Variants in KLHL28 observed in about 807,000 individuals in gnomAD.
KLHL28 encodes the protein kelch-like protein 28.
Under a neutral mutation model 48.3 loss-of-function variants are expected in KLHL28, and 22 were observed. The ratio of observed to expected loss-of-function variants is 0.46; its 90% CI spans 0.33 to 0.65. KLHL28 has a LOEUF of 0.65. KLHL28 is among the 30% of genes least tolerant of loss of function. KLHL28 has a pLI of 0.03. For missense variants in KLHL28, 527 were observed against 704.3 expected (o/e 0.75, Z 2.85); for synonymous variants, 243 against 242.4 (o/e 1.00, Z -0.02).
At chr14:44,943,734 A>C (rs898709601) in intron 2 of KLHL28, among the ~76,000 whole-genome samples, 4 of 147,866 alleles carry the variant, frequency 2.7e-5, no homozygotes, top group Admixed American at 6.7e-5. Context: ...TTTTTTTTCA[A>C]AACAGGGTCT....
Position 44,945,852 on chromosome 14 carries a change from T to C in KLHL28, c.77A>G (p.Asn26Ser). 2 of 1,614,168 alleles carry C rather than the reference T, an allele frequency of 1.2e-6. No homozygotes were observed. The highest frequency in any genetic ancestry group is 1.7e-6 in the Non-Finnish European group (2 of 1,180,020). ...GAGTTCGTGATGTTGGCGAAGAAGA[T>C]TCAAGCCCTGCAGAAGTTGTTCAGA... ...LHSEQLLQGLNLLRQHHELCD... is the reference protein window; with the variant it reads ...LHSEQLLQGLSLLRQHHELCD... Residue 26 changes from asparagine (N) to serine (S), a missense_variant, in exon 2 of 5, where the codon AAT (asparagine) becomes AGT (serine). Physicochemically the swap from Asn to Ser is conservative, Grantham distance 46 (BLOSUM62 1). Transcript: ENST00000396128.
intron 2 of KLHL28, among the ~76,000 whole-genome samples, chr14:44,936,689 T>G (rs1883836604): frequency 6.6e-6 from 1 of 152,230 alleles, no homozygotes; most frequent in Non-Finnish European, 1.5e-5. Context: ...AGTTACATTC[T>G]GCTGCTCAGA....
chr14:44,946,487 T>G (rs1489701956), intron 1 of KLHL28, among the ~76,000 whole-genome samples: 1 of 150,130 alleles, frequency 6.7e-6, no homozygotes, highest in East Asian at 2.0e-4. Context: ...ATGAACAGAA[T>G]CCAAAGTCCC....
At chr14:44,961,203 C>A in intron 1 of KLHL28, 2 of 285,912 alleles carry the variant, frequency 7.0e-6, no homozygotes, top group South Asian at 1.5e-4. Context: ...CCAAGAACTT[C>A]CACCGCAAGT....
At chr14:44,940,384 C>G (rs1382109062) in intron 2 of KLHL28, among the ~76,000 whole-genome samples, 2 of 152,128 alleles carry the variant, frequency 1.3e-5, no homozygotes, top group Non-Finnish European at 2.9e-5. Flanking sequence ...TGAATTAGAC[C>G]TGTGGTTTAT....
intron 1 of KLHL28, among the ~76,000 whole-genome samples, chr14:44,948,375 C>T (rs1884428178): frequency 6.6e-6 from 1 of 152,046 alleles, no homozygotes; most frequent in African/African-American, 2.4e-5. Flanking sequence ...TAAAACATAT[C>T]AGTGAAGAAC....
intron 1 of KLHL28, among the ~76,000 whole-genome samples, chr14:44,950,158 T>A (rs374977399): frequency 2.0e-5 from 3 of 151,994 alleles, no homozygotes; most frequent in East Asian, 3.9e-4. Flanking sequence ...ATTAAACGAG[T>A]TTATACATAA....
chr14:44,932,261 GA>G (rs1883624782), intron 3 of KLHL28, among the ~76,000 whole-genome samples: 1 of 86,278 alleles, frequency 1.2e-5, no homozygotes, highest in African/African-American at 4.3e-5. Context: ...GGGGGGTGGG[GA>G]GAAAAACCTT....
chr14:44,928,750 G>A lies in KLHL28; in HGVS notation c.*278C>T. ...ATGTACACTTATGAACATAAAACTA[G>A]TACATCTCAGTCTTGGGGGAAAAAG... On this transcript the variant is annotated 3_prime_UTR_variant, in exon 5 of 5. Transcript: ENST00000396128. 1 of 214,784 alleles carries A rather than the reference G, an allele frequency of 4.7e-6. No homozygotes were observed. The highest frequency in any genetic ancestry group is 9.0e-6 in the Non-Finnish European group (1 of 110,616). The allele number at this position is 214,784 out of a possible 1,614,324, so 13.3% of individuals were successfully genotyped here. A position where few individuals can be genotyped will look rare whatever the true frequency, so the allele number is the denominator to read the frequency against.
intron 1 of KLHL28, chr14:44,960,818 T>C: frequency 1.3e-6 from 1 of 781,368 alleles, no homozygotes; most frequent in Non-Finnish European, 2.0e-6. Flanking sequence ...GAGCATTATT[T>C]ATAAAGCTGT....
At chr14:44,931,605 A>C in intron 3 of KLHL28, 64 bp from the exon 4 acceptor site, 1 of 1,249,366 alleles carries the variant, frequency 8.0e-7, no homozygotes, top group Non-Finnish European at 1.1e-6. Flanking sequence ...GTCAAAGCAA[A>C]ACTAAAACCC....
intron 4 of KLHL28, 139 bp from the exon 5 acceptor site, chr14:44,929,330 A>T: frequency 1.3e-6 from 1 of 758,696 alleles, no homozygotes; most frequent in Non-Finnish European, 2.0e-6. Flanking sequence ...GGCAATATAC[A>T]GTAGTCCTCC....
chr14:44,937,098 C>T (rs1180684260), intron 2 of KLHL28, among the ~76,000 whole-genome samples: 1 of 151,748 alleles, frequency 6.6e-6, no homozygotes, highest in Non-Finnish European at 1.5e-5. Flanking sequence ...ATATGGTTAA[C>T]TCTTAAGACT....
chr14:44,955,835 T>C (rs140640165), intron 1 of KLHL28, among the ~76,000 whole-genome samples: 1 of 152,162 alleles, frequency 6.6e-6, no homozygotes, highest in East Asian at 1.9e-4. Context: ...TATCAAATAC[T>C]ACAAGAGTCA....
At chr14:44,935,270 G>T (rs188816163) in intron 2 of KLHL28, among the ~76,000 whole-genome samples, 1 of 152,310 alleles carries the variant, frequency 6.6e-6, no homozygotes, top group South Asian at 2.1e-4. Context: ...TCTGGATTAG[G>T]AATGAAGATA....
At chr14:44,943,841 A>G (rs903855009) in intron 2 of KLHL28, among the ~76,000 whole-genome samples, 2 of 151,522 alleles carry the variant, frequency 1.3e-5, no homozygotes, top group Non-Finnish European at 2.9e-5. Flanking sequence ...CAGCCTCCTG[A>G]TTAGCTGGGA....
At chr14:44,937,680 G>A (rs1421829481) in intron 2 of KLHL28, among the ~76,000 whole-genome samples, 1 of 152,176 alleles carries the variant, frequency 6.6e-6, no homozygotes, top group East Asian at 1.9e-4. Flanking sequence ...GAATACTACA[G>A]ACTGGGTAAT....
intron 2 of KLHL28, among the ~76,000 whole-genome samples, chr14:44,935,225 A>G (rs550093841): frequency 9.8e-5 from 15 of 152,344 alleles, no homozygotes; most frequent in Non-Finnish European, 1.9e-4. Context: ...ATTCAAAAGG[A>G]TATCAATTAA....
Position 44,925,403 on chromosome 14 carries a change from G to C in KLHL28, c.*3625C>G, listed in dbSNP as rs1284123406. The C allele has an allele frequency of 6.6e-6, 1 of 152,056 alleles. No homozygotes were observed. The highest frequency in any genetic ancestry group is 1.5e-5 in the Non-Finnish European group (1 of 67,940). The allele number at this position is 152,056 out of a possible 1,614,324, so 9.4% of individuals were successfully genotyped here. ...GAAAATACATTATCCAATTCTAGGAGATTTGGAGTTCTATAAATATTAGGT... is the reference window on the plus strand; with the variant it reads ...GAAAATACATTATCCAATTCTAGGACATTTGGAGTTCTATAAATATTAGGT... On this transcript the variant is annotated 3_prime_UTR_variant, in exon 5 of 5. Coordinates refer to ENST00000396128, the MANE Select transcript of KLHL28 (RefSeq NM_017658.5).
Sources: gnomAD v4.1 joint callset for allele counts (sites outside exome capture counted in the v4.1 genomes callset) on GRCh38, gnomAD v4.1.1 for gene constraint, MANE v1.5 for transcripts, NCBI Gene and HGNC (gene_info 2026-07-23, HGNC 2026-07-21) for gene names.